Variants in IMPG1 observed in about 807,000 individuals in gnomAD.
IMPG1 encodes the protein interphotoreceptor matrix proteoglycan of 150 kDa.
In IMPG1, 85 loss-of-function variants were observed where a neutral mutation model predicts 92.0. The observed-to-expected ratio is 0.92, with a 90% confidence interval of 0.78 to 1.11. IMPG1 has a LOEUF of 1.11. IMPG1 is among the 50% of genes least tolerant of loss of function. The pLI is 0.00. For synonymous variants in IMPG1, 367 were observed against 334.1 expected, an observed-to-expected ratio of 1.10 and a Z score of -1.08; for missense variants, 1,022 against 956.0, an observed-to-expected ratio of 1.07 and a Z score of -0.91.
intron 12 of IMPG1, among the ~76,000 whole-genome samples, chr6:75,961,289 TG>T (rs1347742425): frequency 6.6e-6 from 1 of 152,232 alleles, no homozygotes; most frequent in African/African-American, 2.4e-5. Flanking sequence ...TTAAGGGGCA[TG>T]ACCAGCAAAT....
chr6:75,956,881 A>G (rs867924049), intron 12 of IMPG1, among the ~76,000 whole-genome samples: 7 of 152,082 alleles, frequency 4.6e-5, no homozygotes, highest in African/African-American at 1.4e-4. Context: ...CAGGTTGTGC[A>G]GTTTCCAGGT....
At chr6:76,056,588 AT>A (rs1562386695) in intron 1 of IMPG1, among the ~76,000 whole-genome samples, 1 of 152,124 alleles carries the variant, frequency 6.6e-6, no homozygotes, top group South Asian at 2.1e-4. Flanking sequence ...TCTATTTTTA[AT>A]TTTTTGAAGA....
chr6:76,006,638 T>C (rs1783104678), intron 9 of IMPG1, among the ~76,000 whole-genome samples: 1 of 151,722 alleles, frequency 6.6e-6, no homozygotes, highest in Admixed American at 6.6e-5. Flanking sequence ...TAAGTATTTT[T>C]TAATTAAAAA....
At chr6:76,047,432 C>T (rs531723169) in intron 1 of IMPG1, among the ~76,000 whole-genome samples, 100 of 152,282 alleles carry the variant, frequency 6.6e-4, no homozygotes, top group East Asian at 2.7e-3. Context: ...ATTCACTAAG[C>T]GACTACTGTT....
rs368514950 is a variant in IMPG1 at position 75,950,775 on chromosome 6, G to A, written c.1611C>T (p.Ser537=). Residue 537 remains serine, a synonymous_variant, in exon 13 of 17, where the codon AGC becomes AGT. Transcript: ENST00000369950. The stretch of plus-strand genomic sequence containing the variant: ...AATGATCTGGGACAGAAACATATTC[G>A]CTGAGCTCTGGTACCTCAGATGGGG... ...TPAPSEVPEL[S]EYVSVPDHFL... is the part of the protein sequence containing the mutation. The A allele has an allele frequency of 2.7e-5, 43 of 1,613,740 alleles. No individual in the cohort carries two copies. Among genetic ancestry groups the A allele is most frequent in the African/African-American group, 1.2e-4 (9 of 74,916 alleles).
intron 15 of IMPG1, among the ~76,000 whole-genome samples, chr6:75,927,654 A>C (rs1406927680): frequency 1.3e-5 from 2 of 152,046 alleles, no homozygotes; most frequent in African/African-American, 4.8e-5. Context: ...AGGAAGTTGA[A>C]AAGGGCAAAA....
chr6:76,036,150 G>A (rs888813206), intron 2 of IMPG1, among the ~76,000 whole-genome samples: 5 of 152,112 alleles, frequency 3.3e-5, no homozygotes, highest in Admixed American at 6.5e-5. Flanking sequence ...TGATGTTAAA[G>A]TTTTCTCAAC....
rs1214652000 is a variant in IMPG1, at chr6:75,947,462, A to G, written c.1896T>C (p.Ser632=). The part of the protein sequence containing the change: ...QLEILNFRNG[S]VIVNSKMKFA... ...ACTTCATTTTGCTATTCACAATCAC[A>G]CTCCCGTTTCTGAAGTTAAGTATTT... Residue 632 remains serine (S), a synonymous_variant, in exon 14 of 17, where the codon AGT becomes AGC. Transcript: ENST00000369950. The G allele has an allele frequency of 2.5e-6, 4 of 1,613,348 alleles. No individual in the cohort carries two copies. In the East Asian group the frequency reaches 8.9e-5, roughly 36 times the overall value.
rs200614154 is a variant in IMPG1, at chr6:76,021,755, C to G, written c.666+361G>C. On this transcript the variant is annotated intron_variant, in intron 6 of 16. Coordinates refer to ENST00000369950, the MANE Select transcript of IMPG1 (RefSeq NM_001563.4). The stretch of plus-strand genomic sequence containing the variant: ...GAGCTTCATGATTGATTGATTGATT[C>G]ATTCATTCTAACACTTGGAGAGCAT... Among the ~76,000 whole-genome samples the G allele has an allele frequency of 8.4e-4, 70 of 83,028 alleles. 1 individual carries two copies. The highest frequency in any genetic ancestry group is 3.0e-3 in the East Asian group (8 of 2,642). The allele number at this position is 83,028 out of a possible 152,430, so 54.5% of individuals were successfully genotyped here.
chr6:76,021,764 T>G (rs1243181418), intron 6 of IMPG1, among the ~76,000 whole-genome samples: 1 of 127,494 alleles, frequency 7.8e-6, no homozygotes, highest in Non-Finnish European at 1.7e-5. Context: ...TCATTCATTC[T>G]AACACTTGGA....
intron 15 of IMPG1, chr6:75,928,593 C>G (rs965302897): frequency 1.1e-4 from 16 of 152,174 alleles, no homozygotes; most frequent in African/African-American, 3.9e-4. Flanking sequence ...TATTTCTTTC[C>G]CTCTTCTTAC....
chr6:75,999,795 G>A (rs569354200), intron 12 of IMPG1, among the ~76,000 whole-genome samples: 1 of 152,312 alleles, frequency 6.6e-6, no homozygotes, highest in South Asian at 2.1e-4. Flanking sequence ...GCTCAAATAT[G>A]AGATATAATT....
At position 76,066,320 on chromosome 6, in the gene IMPG1, T is replaced by C. The variant is rs551047460; in HGVS notation, c.67+6102A>G. On this transcript the variant is annotated intron_variant, in intron 1 of 16. Coordinates refer to ENST00000369950, the MANE Select transcript of IMPG1 (RefSeq NM_001563.4). ...ACAAGGTCCAATGATGTGCTGCTTA[T>C]AAAAAACTTGGTAAAACACTCATAG... Among the ~76,000 whole-genome samples the C allele has an allele frequency of 1.1e-4, 16 of 152,022 alleles. 1 individual carries two copies. The South Asian group carries it at 3.3e-3, about 32-fold the overall frequency.
At chr6:76,027,605 G>T (rs1053498383) in intron 4 of IMPG1, among the ~76,000 whole-genome samples, 1 of 152,186 alleles carries the variant, frequency 6.6e-6, no homozygotes, top group Non-Finnish European at 1.5e-5. Context: ...TCAAAGAAGT[G>T]CTGGAAGAAT....
chr6:75,996,066 G>T (rs1782896175), intron 12 of IMPG1, among the ~76,000 whole-genome samples: 1 of 152,176 alleles, frequency 6.6e-6, no homozygotes, highest in Non-Finnish European at 1.5e-5. Flanking sequence ...TTTACTCTGT[G>T]GTGTCCTGGA....
At chr6:76,061,652 C>A (rs767158234) in intron 1 of IMPG1, among the ~76,000 whole-genome samples, 1 of 152,116 alleles carries the variant, frequency 6.6e-6, no homozygotes, top group Non-Finnish European at 1.5e-5. Flanking sequence ...GTAAAAGACA[C>A]ATACTAAGAT....
chr6:76,064,115 C>T (rs980730907), intron 1 of IMPG1, among the ~76,000 whole-genome samples: 4 of 149,158 alleles, frequency 2.7e-5, no homozygotes, highest in Admixed American at 6.7e-5. Context: ...CTGAAGGTTA[C>T]GGCATGTGTA....
At chr6:76,013,350 C>G (rs1169120436) in intron 7 of IMPG1, among the ~76,000 whole-genome samples, 1 of 152,032 alleles carries the variant, frequency 6.6e-6, no homozygotes, top group Non-Finnish European at 1.5e-5. Flanking sequence ...CTAAACTGAC[C>G]CCTGTTCCTT....
intron 1 of IMPG1, among the ~76,000 whole-genome samples, chr6:76,069,480 C>G (rs1318105140): frequency 6.6e-6 from 1 of 152,100 alleles, no homozygotes. Context: ...ATGTACCTAA[C>G]AAAGGGCTAA....
Sources: gnomAD v4.1 joint callset for allele counts (sites outside exome capture counted in the v4.1 genomes callset) on GRCh38, gnomAD v4.1.1 for gene constraint, MANE v1.5 for transcripts, NCBI Gene and HGNC (gene_info 2026-07-23, HGNC 2026-07-21) for gene names.